Variants in TMEM109 observed in about 807,000 individuals in gnomAD.
The protein encoded by TMEM109 is voltage-gated monoatomic cation channel TMEM109.
A neutral mutation model predicts 26.4 loss-of-function variants in TMEM109; 19 were observed. That is an observed-to-expected ratio of 0.72 (90% CI 0.50 to 1.06). The LOEUF (loss-of-function observed/expected upper bound fraction) is 1.06, where lower values mean the gene tolerates loss of function less well. Ranked by LOEUF, TMEM109 falls within the 50% of genes least tolerant of loss-of-function variation. TMEM109 has a pLI of 0.00. For missense variants in TMEM109, 262 were observed against 303.4 expected (o/e 0.86, Z 1.01); for synonymous variants, 129 against 142.0 (o/e 0.91, Z 0.65).
chr11:60,922,027 G>A lies in TMEM109; in HGVS notation c.594G>A (p.Leu198=). 6.2e-7 allele frequency: 1 copy of A among 1,612,722 alleles called. No homozygotes were observed. The highest frequency in any genetic ancestry group is 8.5e-7 in the Non-Finnish European group (1 of 1,179,996). The change falls in exon 4 of 4, where the codon CTG becomes CTA. Residue 198 remains leucine, a synonymous_variant. Coordinates refer to ENST00000227525, the MANE Select transcript of TMEM109 (RefSeq NM_024092.3). Reference sequence around the variant, plus strand: ...TGGCCTTGCTGATCCTCTACGCCCTGCTGAGCCGGCTCACTGGCTCCCGAG... The same window carrying A: ...TGGCCTTGCTGATCCTCTACGCCCTACTGAGCCGGCTCACTGGCTCCCGAG... ...LLLALLILYA[L]LSRLTGSRAS...
chr11:60,915,690 A>G (rs1326196623), intron 1 of TMEM109, among the ~76,000 whole-genome samples: 1 of 152,166 alleles, frequency 6.6e-6, no homozygotes, highest in Admixed American at 6.5e-5. Flanking sequence ...CTGGTGATTC[A>G]TAGCATGAAA....
chr11:60,918,775 T>C (rs1856200671), intron 1 of TMEM109: 1 of 152,192 alleles, frequency 6.6e-6, no homozygotes, highest in Non-Finnish European at 1.5e-5. Context: ...CTTCAAACCA[T>C]AGCACCTCCA....
rs985701811 is a variant in TMEM109 at position 60,922,413 on chromosome 11, C to T, written c.*248C>T. ...CTCTTAACCCTTTCTCTGCTCCCAG[C>T]CTGCCTCACCAGGGAAGGTTGGAGG... On this transcript the variant is annotated 3_prime_UTR_variant, in exon 4 of 4. Transcript: ENST00000227525. 46 of 1,501,870 alleles carry T rather than the reference C, an allele frequency of 3.1e-5. No homozygotes were observed. The highest frequency in any genetic ancestry group is 3.9e-5 in the Non-Finnish European group (44 of 1,121,986). The allele number at this position is 1,501,870 out of a possible 1,614,324, so 93.0% of individuals were successfully genotyped here. A position where few individuals can be genotyped will look rare whatever the true frequency, so the allele number is the denominator to read the frequency against.
chr11:60,920,815 G>A, intron 2 of TMEM109, 71 bp from the exon 3 acceptor site: 1 of 1,293,644 alleles, frequency 7.7e-7, no homozygotes, highest in Admixed American at 1.7e-5. Context: ...TGCCTGGACA[G>A]TGGTGATCAG....
In TMEM109 at chr11:60,921,987, G is replaced by T; in HGVS notation, c.554G>T (p.Arg185Leu). The T allele has an allele frequency of 1.2e-6, 2 of 1,613,412 alleles. No individual in the cohort carries two copies. The highest frequency in any genetic ancestry group is 8.5e-7 in the Non-Finnish European group (1 of 1,179,962). The change falls in exon 4 of 4, where the codon CGG (arginine) becomes CTG (leucine). Residue 185 changes from arginine (R) to leucine (L), a missense_variant. Transcript: ENST00000227525. ...AGGTCGGTGCCTGACCCTTCCACCC[G>T]GGCCCTGCTACTCCTGGCCTTGCTG... ...LMRSVPDPST[R>L]ALLLLALLIL... is the part of the protein sequence containing the mutation.
intron 1 of TMEM109, 125 bp downstream of exon 1, chr11:60,914,393 C>T (rs377036602): frequency 6.6e-6 from 1 of 152,304 alleles, no homozygotes; most frequent in African/African-American, 2.4e-5. Context: ...TCCGCGCGCC[C>T]AGCGTGCGAA....
rs1193702411 is a variant in TMEM109, at chr11:60,921,859, C to T, written c.426C>T (p.Tyr142=). Residue 142 remains tyrosine (Y), a synonymous_variant, in exon 4 of 4, where the codon TAC becomes TAT. Coordinates refer to ENST00000227525, the MANE Select transcript of TMEM109 (RefSeq NM_024092.3). ...GGGGAGCAGGGGCCCTGGTCGTCTA[C>T]TGGCTGCTGTCTCTGCTCCTCGGCT... ...LLWGAGALVV[Y]WLLSLLLGLV... 6.2e-7 allele frequency: 1 copy of T among 1,614,096 alleles called. No homozygotes were observed. Among genetic ancestry groups the T allele is most frequent in the African/African-American group, 1.3e-5 (1 of 74,944 alleles).
At position 60,921,785 on chromosome 11, in the gene TMEM109, G is replaced by A. The variant is rs746000733; in HGVS notation, c.352G>A (p.Ala118Thr). 5.4e-5 allele frequency: 87 copies of A among 1,609,816 alleles called. No individual in the cohort carries two copies. Among genetic ancestry groups the A allele is most frequent in the Non-Finnish European group, 6.9e-5 (81 of 1,178,964 alleles). ...NALGLAGDYL[A>T]QGLKLSPGQV... ...CTCTTGGCTTCCAGGTGATTACCTC[G>A]CCCAGGGCCTGAAGCTCAGCCCTGG... is the stretch of plus-strand genomic sequence containing the variant. The change falls in exon 4 of 4, where the codon GCC (alanine) becomes ACC (threonine). Residue 118 changes from alanine to threonine, a missense_variant. By Grantham distance (58) the Ala-to-Thr change is moderately conservative. Coordinates refer to ENST00000227525, the MANE Select transcript of TMEM109 (RefSeq NM_024092.3).
chr11:60,918,030 G>A (rs1856191439), intron 1 of TMEM109, among the ~76,000 whole-genome samples: 1 of 152,090 alleles, frequency 6.6e-6, no homozygotes, highest in East Asian at 1.9e-4. Flanking sequence ...TGTGTATGAG[G>A]GGTCCAATGT....
Position 60,921,784 on chromosome 11 carries a change from C to A in TMEM109, c.351C>A (p.Leu117=). The change falls in exon 4 of 4, where the codon CTC becomes CTA. Residue 117 remains leucine, a synonymous_variant. Coordinates refer to ENST00000227525, the MANE Select transcript of TMEM109 (RefSeq NM_024092.3). ...LNALGLAGDY[L]AQGLKLSPGQ... ...TCTCTTGGCTTCCAGGTGATTACCT[C>A]GCCCAGGGCCTGAAGCTCAGCCCTG... 6.2e-7 allele frequency: 1 copy of A among 1,608,778 alleles called. No individual in the cohort carries two copies.
intron 3 of TMEM109, among the ~76,000 whole-genome samples, 186 bp from the exon 4 acceptor site, chr11:60,921,588 A>G (rs1044473672): frequency 1.3e-5 from 2 of 152,206 alleles, no homozygotes; most frequent in Admixed American, 1.3e-4. Context: ...GAAGCAAGTA[A>G]TCTACTCCAG....
intron 3 of TMEM109, among the ~76,000 whole-genome samples, chr11:60,921,532 G>A (rs1856238311): frequency 6.6e-6 from 1 of 152,176 alleles, no homozygotes; most frequent in African/African-American, 2.4e-5. Context: ...AGTACAGGGA[G>A]GCAGTAGAAT....
At chr11:60,921,636 C>T in intron 3 of TMEM109, 138 bp from the exon 4 acceptor site, 1 of 689,936 alleles carries the variant, frequency 1.4e-6, no homozygotes, top group Admixed American at 2.5e-5. Context: ...GAGATTCCAA[C>T]CCATATCACT....
rs1477427670 is a variant in TMEM109, at chr11:60,919,719, C to T, written c.26C>T (p.Pro9Leu). 6.2e-7 allele frequency: 1 copy of T among 1,614,162 alleles called. No homozygotes were observed. The highest frequency in any genetic ancestry group is 1.3e-5 in the African/African-American group (1 of 75,040). MAASSISSPWGKHVFKAIL... is the reference protein window; with the variant it reads MAASSISSLWGKHVFKAIL... Reference sequence around the variant, plus strand: ...ATGGCAGCCTCCAGCATCAGTTCACCATGGGGAAAGCATGTGTTCAAAGCC... The same window carrying T: ...ATGGCAGCCTCCAGCATCAGTTCACTATGGGGAAAGCATGTGTTCAAAGCC... The change falls in exon 2 of 4, where the codon CCA becomes CTA. Residue 9 changes from proline (P) to leucine (L), a missense_variant. Pro to Leu is a moderately conservative substitution (Grantham distance 98). Transcript: ENST00000227525.
Position 60,922,084 on chromosome 11 carries a change from A to G in TMEM109, c.651A>G (p.Arg217=). The part of the protein sequence containing the change: ...ASGAQLEAKV[R]GLERQVEELR... ...GGGCCCAACTCGAGGCCAAGGTGCG[A>G]GGGCTGGAACGCCAGGTGGAGGAGC... The change falls in exon 4 of 4, where the codon CGA becomes CGG. Residue 217 remains arginine (R), a synonymous_variant. Transcript: ENST00000227525. 6.2e-7 allele frequency: 1 copy of G among 1,613,306 alleles called. No individual in the cohort carries two copies. The highest frequency in any genetic ancestry group is 8.5e-7 in the Non-Finnish European group (1 of 1,179,892).
At chr11:60,917,154 G>T (rs1481163777) in intron 1 of TMEM109, among the ~76,000 whole-genome samples, 1 of 152,178 alleles carries the variant, frequency 6.6e-6, no homozygotes, top group Non-Finnish European at 1.5e-5. Flanking sequence ...GGACCAAAAA[G>T]TACCCTAAAT....
At chr11:60,921,056 CT>C (rs1285218253) in intron 3 of TMEM109, 68 bp downstream of exon 3, 2 of 1,368,796 alleles carry the variant, frequency 1.5e-6, no homozygotes, top group African/African-American at 2.9e-5. Flanking sequence ...GGGAGTTCAT[CT>C]TTGTCAGGGT....
intron 1 of TMEM109, 76 bp from the exon 2 acceptor site, chr11:60,919,610 A>T (rs1856210154): frequency 8.2e-7 from 1 of 1,220,766 alleles, no homozygotes; most frequent in South Asian, 1.2e-5. Context: ...GTGGAGAAGG[A>T]TGTTGGGATA....
chr11:60,914,415 A>ACC (rs1856148414), intron 1 of TMEM109, 147 bp downstream of exon 1: 1 of 152,152 alleles, frequency 6.6e-6, no homozygotes, highest in African/African-American at 2.4e-5. Flanking sequence ...CAAACCGGGG[A>ACC]CCCGGATCCC....
Sources: gnomAD v4.1 joint callset for allele counts (sites outside exome capture counted in the v4.1 genomes callset) on GRCh38, gnomAD v4.1.1 for gene constraint, MANE v1.5 for transcripts, NCBI Gene and HGNC (gene_info 2026-07-23, HGNC 2026-07-21) for gene names.